TTC13: variants seen among roughly 807,000 people sequenced by gnomAD.
TTC13 encodes tetratricopeptide repeat domain 13, also known as tetratricopeptide repeat protein 13.
In TTC13, 62 loss-of-function variants were observed where a neutral mutation model predicts 120.0. That is an observed-to-expected ratio of 0.52 (90% CI 0.42 to 0.64). TTC13 has a LOEUF of 0.64. Among genes scored for constraint, TTC13 ranks in the 30% least tolerant of loss-of-function variants. The pLI is 0.00. For missense variants in TTC13, 824 were observed against 1,050.2 expected, an observed-to-expected ratio of 0.78 and a Z score of 2.98; for synonymous variants, 384 against 393.5, an observed-to-expected ratio of 0.98 and a Z score of 0.28.
intron 7 of TTC13, among the ~76,000 whole-genome samples, chr1:230,939,912 T>C (rs957850880): frequency 1.3e-5 from 2 of 152,232 alleles, no homozygotes; most frequent in Non-Finnish European, 2.9e-5. Context: ...CAGAAAATTG[T>C]TATTTAAAGT....
rs775455371 is a variant in TTC13, at chr1:230,925,580, G to A, written c.1525C>T (p.Arg509Cys). 3.3e-5 allele frequency: 54 copies of A among 1,613,998 alleles called. No individual in the cohort carries two copies. Among genetic ancestry groups the A allele is most frequent in the Non-Finnish European group, 4.3e-5 (51 of 1,179,942 alleles). Residue 509 changes from arginine to cysteine, a missense_variant, in exon 13 of 23, where the codon CGT becomes TGT. Arg to Cys is a radical substitution (Grantham distance 180). This residue lies in a region of TTC13 where 430 missense variants were observed against 626.8 expected (regional missense o/e 0.69). Coordinates refer to ENST00000366661, the MANE Select transcript of TTC13 (RefSeq NM_024525.5). ...EVQELICVADRLGSLMQYETP... is the reference protein window; with the variant it reads ...EVQELICVADCLGSLMQYETP... ...TCATATTGCATCAGGGATCCCAAAC[G>A]ATCAGCCACACAAATCAGCTCCTGT... is the stretch of plus-strand genomic sequence containing the variant.
At chr1:230,932,811 T>A (rs1223976024) in intron 9 of TTC13, among the ~76,000 whole-genome samples, 1 of 152,172 alleles carries the variant, frequency 6.6e-6, no homozygotes, top group Non-Finnish European at 1.5e-5. Context: ...AAAGGGACTT[T>A]CCGTCGCTGT....
At chr1:230,977,616 C>T (rs907416273) in intron 1 of TTC13, among the ~76,000 whole-genome samples, 1 of 152,070 alleles carries the variant, frequency 6.6e-6, no homozygotes, top group African/African-American at 2.4e-5. Context: ...TTCCCAGGTA[C>T]ACAATGCCGA....
chr1:230,950,595 T>C (rs904476842), intron 4 of TTC13, among the ~76,000 whole-genome samples: 2 of 152,226 alleles, frequency 1.3e-5, no homozygotes, highest in African/African-American at 4.8e-5. Context: ...AGATAAGCAA[T>C]GTAATGAGGA....
At chr1:230,907,655 T>C (rs1053832273) in intron 22 of TTC13, among the ~76,000 whole-genome samples, 17 of 152,202 alleles carry the variant, frequency 1.1e-4, no homozygotes, top group African/African-American at 3.9e-4. Flanking sequence ...GAAGCTTTCA[T>C]TGCAAAGCTA....
At chr1:230,975,841 G>A (rs564973240) in intron 1 of TTC13, among the ~76,000 whole-genome samples, 15 of 152,156 alleles carry the variant, frequency 9.9e-5, no homozygotes, top group Non-Finnish European at 1.9e-4. Context: ...TGAGCATTAG[G>A]CTGTTCCCTG....
chr1:230,911,558 AAAAG>A lies in TTC13; in HGVS notation c.2230-13_2230-10del. On this transcript the variant is annotated splice_polypyrimidine_tract_variant and intron_variant, in intron 19 of 22. Transcript: ENST00000366661. ...CAGACAGCATCAGCCTCCTAGAAAA[AAAAG>A]ATACAGACTCATAAATACTATAAAG... 2 of 1,493,674 alleles carry A rather than the reference AAAAG, an allele frequency of 1.3e-6. No homozygotes were observed. Among genetic ancestry groups the A allele is most frequent in the Non-Finnish European group, 1.8e-6 (2 of 1,115,134 alleles). The allele number at this position is 1,493,674 out of a possible 1,614,324, so 92.5% of individuals were successfully genotyped here.
At chr1:230,950,054 A>C (rs921779221) in intron 4 of TTC13, among the ~76,000 whole-genome samples, 1 of 152,304 alleles carries the variant, frequency 6.6e-6, no homozygotes, top group Admixed American at 6.5e-5. Context: ...CTAAATTTAA[A>C]TAACAGATTT....
In TTC13 at chr1:230,920,425, A is replaced by C. The variant is rs551460576; in HGVS notation, c.1983+85T>G. On this transcript the variant is annotated intron_variant, in intron 17 of 22. Transcript: ENST00000366661. ...ATACGAGTGATTTCAAATAGCATTTAATAATTCTGAGTTCTTTTTAAAAAA... is the reference window on the plus strand; with the variant it reads ...ATACGAGTGATTTCAAATAGCATTTCATAATTCTGAGTTCTTTTTAAAAAA... 20 of 948,010 alleles carry C rather than the reference A, an allele frequency of 2.1e-5. No homozygotes were observed. The East Asian group carries it at 4.9e-4, about 23-fold the overall frequency. 58.7% of individuals were successfully genotyped at this position (948,010 alleles called of 1,614,324 possible).
At chr1:230,922,905 C>T (rs989270453) in intron 15 of TTC13, among the ~76,000 whole-genome samples, 2 of 152,102 alleles carry the variant, frequency 1.3e-5, no homozygotes, top group Non-Finnish European at 2.9e-5. Flanking sequence ...TCTACGGTAG[C>T]CTTCGATTAA....
rs1232888459 is a variant in TTC13 at position 230,906,914 on chromosome 1, C to A, written c.2574G>T (p.Lys858Asn). The stretch of plus-strand genomic sequence containing the variant: ...AAATACAGCAGCAGAACTAGAGTTT[C>A]TTAAGACAACGTGGAGAAGAGTCTG... Reference protein sequence around the residue: ...LNTDSSPRCLKKL With the variant: ...LNTDSSPRCLNKL Residue 858 changes from lysine to asparagine, a missense_variant, in exon 23 of 23, where the codon AAG becomes AAT. Lys to Asn is a moderately conservative substitution (Grantham distance 94, BLOSUM62 0). This residue lies in a region of TTC13 where 226 missense variants were observed against 259.1 expected (regional missense o/e 0.87). Coordinates refer to ENST00000366661, the MANE Select transcript of TTC13 (RefSeq NM_024525.5). 5 of 1,501,310 alleles carry A rather than the reference C, an allele frequency of 3.3e-6. No individual in the cohort carries two copies. Among genetic ancestry groups the A allele is most frequent in the Non-Finnish European group, 4.4e-6 (5 of 1,130,162 alleles). The allele number at this position is 1,501,310 out of a possible 1,614,324, so 93.0% of individuals were successfully genotyped here.
intron 1 of TTC13, among the ~76,000 whole-genome samples, chr1:230,968,907 G>A (rs1677432063): frequency 1.3e-5 from 2 of 152,224 alleles, no homozygotes; most frequent in Admixed American, 6.5e-5. Flanking sequence ...AAATACTACA[G>A]ATATGGATGT....
At chr1:230,960,868 T>C (rs1467046610) in intron 2 of TTC13, among the ~76,000 whole-genome samples, 1 of 152,290 alleles carries the variant, frequency 6.6e-6, no homozygotes, top group African/African-American at 2.4e-5. Flanking sequence ...TTGGTACTGA[T>C]AGAAAACATA....
chr1:230,931,929 A>G (rs750542020), intron 9 of TTC13, 52 bp from the exon 10 acceptor site: 28 of 1,561,896 alleles, frequency 1.8e-5, no homozygotes, highest in Non-Finnish European at 2.4e-5. Flanking sequence ...CGGGAAACAT[A>G]CAGAATAAGC....
At chr1:230,945,100 C>T (rs1194946433) in intron 5 of TTC13, among the ~76,000 whole-genome samples, 1 of 152,178 alleles carries the variant, frequency 6.6e-6, no homozygotes. Context: ...AGTCCTACTG[C>T]ACTATTGATG....
chr1:230,929,217 T>C, intron 11 of TTC13, 124 bp from the exon 12 acceptor site: 1 of 1,012,688 alleles, frequency 9.9e-7, no homozygotes, highest in Non-Finnish European at 1.4e-6. Flanking sequence ...AAAGAGTTTC[T>C]AAATTTTAGT....
intron 1 of TTC13, among the ~76,000 whole-genome samples, chr1:230,971,323 G>A (rs1227850232): frequency 1.7e-5 from 2 of 117,520 alleles, no homozygotes; most frequent in East Asian, 5.5e-4. Flanking sequence ...TCCAGCCTGG[G>A]CAACAGAGCA....
chr1:230,933,758 A>C (rs1172907478), intron 9 of TTC13, 21 bp downstream of exon 9: 1 of 1,442,820 alleles, frequency 6.9e-7, no homozygotes. Context: ...CTCCTACCCC[A>C]ACTGTTATTA....
chr1:230,922,649 T>C (rs1672684753), intron 15 of TTC13, among the ~76,000 whole-genome samples: 1 of 152,212 alleles, frequency 6.6e-6, no homozygotes, highest in South Asian at 2.1e-4. Context: ...AACTCATCCA[T>C]GGGTCCAAGT....
Sources: gnomAD v4.1 joint callset for allele counts (sites outside exome capture counted in the v4.1 genomes callset) on GRCh38, gnomAD v4.1.1 for gene constraint, gnomAD v4.1.1 regional missense constraint, MANE v1.5 for transcripts, NCBI Gene and HGNC (gene_info 2026-07-23, HGNC 2026-07-21) for gene names.